The following L3MBTL1 variants were observed in gnomAD, a reference collection of about 807,000 sequenced individuals.
L3MBTL1 encodes lethal(3)malignant brain tumor-like protein 1.
L3MBTL1 carries 75 observed loss-of-function variants against 105.3 expected under a neutral mutation model. The observed-to-expected ratio is 0.71, with a 90% CI of 0.59 to 0.86. The LOEUF (loss-of-function observed/expected upper bound fraction) is 0.86, where lower values mean the gene tolerates loss of function less well. Ranked by LOEUF, L3MBTL1 falls within the 40% of genes least tolerant of loss-of-function variation. L3MBTL1 has a pLI of 0.00. For synonymous variants in L3MBTL1, 452 were observed against 436.2 expected (o/e 1.04, Z -0.45); for missense variants, 1,069 against 1,126.4 (o/e 0.95, Z 0.73).
At chr20:43,525,379 G>T (rs1056391546) in intron 7 of L3MBTL1, among the ~76,000 whole-genome samples, 14 of 149,412 alleles carry the variant, frequency 9.4e-5, no homozygotes, top group Non-Finnish European at 1.9e-4. Context: ...AGCCAATATG[G>T]TACCTTTGTA....
At chr20:43,528,894 T>C (rs1372175459) in intron 8 of L3MBTL1, 149 bp downstream of exon 8, 1 of 666,982 alleles carries the variant, frequency 1.5e-6, no homozygotes, top group Non-Finnish European at 2.6e-6. Flanking sequence ...GGGCCCAGAG[T>C]GGAAAAGGGC....
chr20:43,508,192 CTCTTT>C (rs2018036097), intron 1 of L3MBTL1, among the ~76,000 whole-genome samples: 1 of 148,398 alleles, frequency 6.7e-6, no homozygotes, highest in Admixed American at 6.6e-5. Flanking sequence ...TTGTTTCTCT[CTCTTT>C]TTTTTTTTTT....
rs771055304 is a variant in L3MBTL1 at position 43,530,394 on chromosome 20, G to C, written c.1167G>C (p.Thr389=). ...ACCCTGCTGGCTGGTTCGAGAAGAC[G>C]GGCCACAAGCTGCAGCCTCCCAAAG... ...DIHPAGWFEK[T]GHKLQPPKGY... Residue 389 remains threonine (T), a synonymous_variant, in exon 10 of 22, where the codon ACG becomes ACC. Transcript: ENST00000418998. 24 of 1,614,002 alleles carry C rather than the reference G, an allele frequency of 1.5e-5. No individual in the cohort carries two copies. The highest frequency in any genetic ancestry group is 2.0e-5 in the Non-Finnish European group (24 of 1,180,004).
chr20:43,546,236 G>A (rs532482591), downstream of L3MBTL1, among the ~76,000 whole-genome samples: 1 of 152,340 alleles, frequency 6.6e-6, no homozygotes, highest in African/African-American at 2.4e-5. Flanking sequence ...GGTCTGTAGT[G>A]CAGTCTGTGG....
chr20:43,512,153 A>G (rs915948705), intron 1 of L3MBTL1, among the ~76,000 whole-genome samples: 2 of 152,132 alleles, frequency 1.3e-5, no homozygotes, highest in Non-Finnish European at 2.9e-5. Flanking sequence ...TCGACTGGAG[A>G]GTAGACTGTA....
exon 19 of L3MBTL1, chr20:43,548,292 T>C (rs1487895058): frequency 7.7e-7 from 1 of 1,291,278 alleles, no homozygotes; most frequent in South Asian, 1.2e-5. Context: ...GGCCTCCCTC[T>C]CCAGCTGATG....
intron 7 of L3MBTL1, among the ~76,000 whole-genome samples, chr20:43,521,028 T>C (rs891791130): frequency 7.9e-5 from 12 of 152,234 alleles, no homozygotes; most frequent in African/African-American, 2.4e-4. Flanking sequence ...CTATAACATT[T>C]TGGAGCCCAG....
exon 19 of L3MBTL1, chr20:43,549,784 G>C (rs535617645): frequency 6.6e-6 from 1 of 152,332 alleles, no homozygotes; most frequent in African/African-American, 2.4e-5. Context: ...ACAGGGTGCA[G>C]ATGTGAGGCT....
chr20:43,520,421 G>A (rs760690372), intron 7 of L3MBTL1, among the ~76,000 whole-genome samples: 9 of 152,156 alleles, frequency 5.9e-5, no homozygotes, highest in Non-Finnish European at 1.0e-4. Context: ...ACTTAGGGGT[G>A]GAATTGTTCA....
rs961790914 is a variant in L3MBTL1, at chr20:43,513,590, C to T, written c.87C>T (p.Asp29=). 3.2e-6 allele frequency: 5 copies of T among 1,550,534 alleles called. No individual in the cohort carries two copies. The highest frequency in any genetic ancestry group is 1.7e-4 in the Middle Eastern group (1 of 6,014). ...GEVSMHLVAG[D]SPGSGPHLPA... ...TCAGCATGCACTTGGTGGCCGGAGA[C>T]AGCCCCGGTTCTGGTCCTCACCTGC... Residue 29 remains aspartate (D), a synonymous_variant, in exon 2 of 22, where the codon GAC becomes GAT. Coordinates refer to ENST00000418998, the MANE Select transcript of L3MBTL1 (RefSeq NM_001377303.1).
Position 43,530,393 on chromosome 20 carries a change from C to T in L3MBTL1, c.1166C>T (p.Thr389Met), listed in dbSNP as rs778049858. The change falls in exon 10 of 22, where the codon ACG (threonine) becomes ATG (methionine). Residue 389 changes from threonine to methionine, a missense_variant. Physicochemically the swap from Thr to Met is moderately conservative, Grantham distance 81. Transcript: ENST00000418998. ...CACCCTGCTGGCTGGTTCGAGAAGACGGGCCACAAGCTGCAGCCTCCCAAA... is the reference window on the plus strand; with the variant it reads ...CACCCTGCTGGCTGGTTCGAGAAGATGGGCCACAAGCTGCAGCCTCCCAAA... ...DIHPAGWFEK[T>M]GHKLQPPKGY... 6.2e-6 allele frequency: 10 copies of T among 1,614,026 alleles called. No individual in the cohort carries two copies. Among genetic ancestry groups the T allele is most frequent in the East Asian group, 2.2e-5 (1 of 44,898 alleles).
intron 12 of L3MBTL1, 35 bp downstream of exon 12, chr20:43,532,959 G>A (rs776194812): frequency 1.2e-6 from 2 of 1,612,624 alleles, no homozygotes; most frequent in Admixed American, 1.7e-5. Flanking sequence ...CTCAGGGGGT[G>A]AGGGGATGGC....
At chr20:43,510,340 G>A (rs2018097688) in intron 1 of L3MBTL1, among the ~76,000 whole-genome samples, 1 of 151,574 alleles carries the variant, frequency 6.6e-6, no homozygotes, top group South Asian at 2.1e-4. Flanking sequence ...TACTTCAGCT[G>A]TGCAAAGCAA....
intron 7 of L3MBTL1, among the ~76,000 whole-genome samples, chr20:43,524,004 A>AT (rs2018880381): frequency 6.6e-6 from 1 of 151,620 alleles, no homozygotes; most frequent in African/African-American, 2.4e-5. Context: ...AAAAAAAAAA[A>AT]AAAAAAGAAA....
At chr20:43,537,663 C>T (rs2019700695) in intron 19 of L3MBTL1, among the ~76,000 whole-genome samples, 1 of 152,138 alleles carries the variant, frequency 6.6e-6, no homozygotes, top group Non-Finnish European at 1.5e-5. Flanking sequence ...ATTCATCTTA[C>T]ATCTTCAGCC....
At position 43,513,822 on chromosome 20, in the gene L3MBTL1, GTATA is replaced by G. The variant is rs2018208197; in HGVS notation, c.137-14_137-11del. 1 of 1,550,176 alleles carries G rather than the reference GTATA, an allele frequency of 6.5e-7. No individual in the cohort carries two copies. The highest frequency in any genetic ancestry group is 8.7e-7 in the Non-Finnish European group (1 of 1,146,732). On this transcript the variant is annotated splice_polypyrimidine_tract_variant and intron_variant, in intron 2 of 21. Coordinates refer to ENST00000418998, the MANE Select transcript of L3MBTL1 (RefSeq NM_001377303.1). Reference sequence around the variant, plus strand: ...AGACTCACCTGTGTCGTGTCTATTTGTATATCTGTTTACAGCCAGTTCGGCCACC... The same window carrying G: ...AGACTCACCTGTGTCGTGTCTATTTGTCTGTTTACAGCCAGTTCGGCCACC...
Position 43,534,310 on chromosome 20 carries a change from T to TA in L3MBTL1, c.1627dup (p.Met543AsnfsTer32). On this transcript the variant is annotated frameshift_variant, in exon 15 of 22. Coordinates refer to ENST00000418998, the MANE Select transcript of L3MBTL1 (RefSeq NM_001377303.1). LOFTEE classifies it high-confidence loss of function. The stretch of plus-strand genomic sequence containing the variant: ...GACCCCCTCACAGCTTCCTGGTCAA[T>TA]ATGAAGCTGGAGGCTGTGGACCGCA... 6.2e-7 allele frequency: 1 copy of TA among 1,613,988 alleles called. No homozygotes were observed. Among genetic ancestry groups the TA allele is most frequent in the Non-Finnish European group, 8.5e-7 (1 of 1,179,968 alleles).
chr20:43,522,934 G>A (rs1474886841), intron 7 of L3MBTL1, among the ~76,000 whole-genome samples: 1 of 150,464 alleles, frequency 6.6e-6, no homozygotes, highest in African/African-American at 2.4e-5. Context: ...GAACCCCGTC[G>A]CTAATAAGAA....
chr20:43,522,596 C>G (rs2018788821), intron 7 of L3MBTL1, among the ~76,000 whole-genome samples: 1 of 148,882 alleles, frequency 6.7e-6, no homozygotes. Context: ...CCTTAGCCTT[C>G]TGAGTAGCTG....
Sources: allele counts gnomAD v4.1 joint callset (sites outside exome capture counted in the v4.1 genomes callset), GRCh38; gene constraint gnomAD v4.1.1; transcripts MANE v1.5; gene names NCBI Gene and HGNC (gene_info 2026-07-23, HGNC 2026-07-21).